CHDH: variants seen among roughly 807,000 people sequenced by gnomAD.
CHDH encodes choline dehydrogenase, mitochondrial.
CHDH carries 43 observed loss-of-function variants against 56.9 expected under a neutral mutation model. That is an observed-to-expected ratio of 0.76 (90% CI 0.59 to 0.97). The LOEUF (loss-of-function observed/expected upper bound fraction) is 0.97. CHDH is among the 50% of genes least tolerant of loss of function. The pLI is 0.00. For synonymous variants in CHDH, 364 were observed against 348.5 expected, an observed-to-expected ratio of 1.04 and a Z score of -0.50; for missense variants, 816 against 821.1, an observed-to-expected ratio of 0.99 and a Z score of 0.08.
rs1233394204 is a variant in CHDH at position 53,816,755 on chromosome 3, TAA to T, written c.*1020_*1021del. On this transcript the variant is annotated 3_prime_UTR_variant, in exon 9 of 9. Coordinates refer to ENST00000315251, the MANE Select transcript of CHDH (RefSeq NM_018397.5). ...GTAAAAGGAAAACCTTTTAAAATGC[TAA>T]GTCATAAAACCTTTGGTAGTGAAGC... 6.6e-6 allele frequency: 1 copy of T among 151,862 alleles called. No homozygotes were observed. The highest frequency in any genetic ancestry group is 1.5e-5 in the Non-Finnish European group (1 of 68,000). 9.4% of individuals were successfully genotyped at this position (151,862 alleles called of 1,614,324 possible).
rs1290134488 is a variant in CHDH at position 53,819,213 on chromosome 3, T to C, written c.1264-173A>G. Among the ~76,000 whole-genome samples, 1 of 152,140 alleles carries C rather than the reference T, an allele frequency of 6.6e-6. No homozygotes were observed. The highest frequency in any genetic ancestry group is 2.4e-5 in the African/African-American group (1 of 41,416). On this transcript the variant is annotated intron_variant, in intron 7 of 8. Transcript: ENST00000315251. The surrounding 1 kb of genome is among the most constrained non-coding windows in gnomAD (Gnocchi z 5.4). ...CCTCCACGAGTGATTACAGACCACC[T>C]CAAGGAATCACTCTTTCATCCTGGC...
intron 3 of CHDH, 123 bp downstream of exon 3, chr3:53,823,183 C>A (rs1025093669): frequency 1.1e-6 from 1 of 894,300 alleles, no homozygotes; most frequent in Non-Finnish European, 1.6e-6. Context: ...CCGGTCGTGC[C>A]AGCCTCAGTC....
intron 4 of CHDH, 38 bp downstream of exon 4, chr3:53,822,453 A>AC: frequency 6.3e-7 from 1 of 1,577,986 alleles, no homozygotes. Context: ...GTCACTGCCC[A>AC]CCCCCTTCTT....
At chr3:53,833,862 G>A (rs1698414523) in intron 2 of CHDH, among the ~76,000 whole-genome samples, 1 of 152,174 alleles carries the variant, frequency 6.6e-6, no homozygotes, top group South Asian at 2.1e-4. Flanking sequence ...CATGTGACAT[G>A]AGTCCTCCCG....
intron 2 of CHDH, among the ~76,000 whole-genome samples, chr3:53,839,601 A>G (rs1032287630): frequency 2.6e-5 from 4 of 152,234 alleles, no homozygotes; most frequent in African/African-American, 9.6e-5. Flanking sequence ...ACCTTTGTAC[A>G]TTGTTTGTGG....
chr3:53,822,730 A>G (rs368657595), intron 3 of CHDH, 88 bp from the exon 4 acceptor site: 10 of 1,482,094 alleles, frequency 6.7e-6, no homozygotes, highest in Admixed American at 5.8e-5. Flanking sequence ...GAAAGAGTGG[A>G]TATGCCCAGC....
intron 2 of CHDH, among the ~76,000 whole-genome samples, chr3:53,835,577 G>A (rs1387509779): frequency 2.0e-5 from 3 of 152,190 alleles, no homozygotes; most frequent in Non-Finnish European, 4.4e-5. Flanking sequence ...TTTCCATCTG[G>A]CCTTCTAGTA....
rs1485554587 is a variant in CHDH, at chr3:53,816,312, G to A, written c.*1465C>T. 1 of 152,164 alleles carries A rather than the reference G, an allele frequency of 6.6e-6. No homozygotes were observed. The highest frequency in any genetic ancestry group is 1.5e-5 in the Non-Finnish European group (1 of 68,046). 9.4% of individuals were successfully genotyped at this position (152,164 alleles called of 1,614,324 possible). Reference sequence around the variant, plus strand: ...GATGTGGATGTCTGGAAAAATCCAAGTGCATTTTATTTTCATTACCTTGTC... The same window carrying A: ...GATGTGGATGTCTGGAAAAATCCAAATGCATTTTATTTTCATTACCTTGTC... On this transcript the variant is annotated 3_prime_UTR_variant, in exon 9 of 9. Coordinates refer to ENST00000315251, the MANE Select transcript of CHDH (RefSeq NM_018397.5).
intron 2 of CHDH, among the ~76,000 whole-genome samples, chr3:53,828,840 A>G (rs1325373993): frequency 6.6e-6 from 1 of 152,188 alleles, no homozygotes; most frequent in Admixed American, 6.5e-5. Flanking sequence ...CAGTTTGGTG[A>G]TTTCTTGTAA....
intron 5 of CHDH, among the ~76,000 whole-genome samples, chr3:53,821,182 G>A (rs546374729): frequency 5.3e-5 from 8 of 152,342 alleles, no homozygotes; most frequent in East Asian, 3.9e-4. Flanking sequence ...GACAGAGCCC[G>A]ACCCTCAAGA....
chr3:53,824,047 A>AATGAG lies in CHDH; in HGVS notation c.-44_-40dup. 1 of 1,402,588 alleles carries AATGAG rather than the reference A, an allele frequency of 7.1e-7. No individual in the cohort carries two copies. The highest frequency in any genetic ancestry group is 9.3e-7 in the Non-Finnish European group (1 of 1,079,762). The allele number at this position is 1,402,588 out of a possible 1,614,324, so 86.9% of individuals were successfully genotyped here. ...CCAAGTCCTCTGATCCACGGAGGGG[A>AATGAG]ATGAGATGACTCACTTCTCCCTAAA... On this transcript the variant is annotated 5_prime_UTR_variant, in exon 3 of 9. Transcript: ENST00000315251.
intron 2 of CHDH, among the ~76,000 whole-genome samples, chr3:53,839,324 C>T (rs1462253369): frequency 6.6e-6 from 1 of 152,208 alleles, no homozygotes; most frequent in Non-Finnish European, 1.5e-5. Context: ...GGTCCATCAT[C>T]AGCAGAATCC....
At chr3:53,818,372 G>C (rs2095619665) in intron 8 of CHDH, among the ~76,000 whole-genome samples, 177 bp from the exon 9 acceptor site, 1 of 152,210 alleles carries the variant, frequency 6.6e-6, no homozygotes, top group South Asian at 2.1e-4. Context: ...CAGCGGGTTA[G>C]ACTGTACCGT....
At chr3:53,818,606 T>TAGAG (rs1228515275) in intron 8 of CHDH, among the ~76,000 whole-genome samples, 25 of 152,310 alleles carry the variant, frequency 1.6e-4, no homozygotes, top group Admixed American at 8.5e-4. Flanking sequence ...AATTTGCTTT[T>TAGAG]AGAGACTGCT....
intron 1 of CHDH, among the ~76,000 whole-genome samples, chr3:53,843,408 C>T (rs74935574): frequency 0.017 from 2,640 of 152,236 alleles, 58 homozygotes; most frequent in East Asian, 0.096. Flanking sequence ...GGTGAATGAG[C>T]CGCAGAACCA....
At chr3:53,840,119 A>G (rs1299181640) in intron 2 of CHDH, among the ~76,000 whole-genome samples, 2 of 152,234 alleles carry the variant, frequency 1.3e-5, no homozygotes, top group Admixed American at 6.5e-5. Flanking sequence ...TATCTAATAT[A>G]CAGTTAGATA....
chr3:53,822,949 C>T (rs997417140), intron 3 of CHDH, among the ~76,000 whole-genome samples: 22 of 152,172 alleles, frequency 1.4e-4, no homozygotes, highest in African/African-American at 5.3e-4. Flanking sequence ...TCAGCCCTGG[C>T]TCGCCTCTGT....
intron 2 of CHDH, among the ~76,000 whole-genome samples, chr3:53,826,315 TAA>T (rs59355780): frequency 7.1e-5 from 10 of 139,922 alleles, no homozygotes; most frequent in Admixed American, 2.1e-4. Context: ...GACATTACAA[TAA>T]AAAAAAAAAA....
intron 2 of CHDH, among the ~76,000 whole-genome samples, chr3:53,824,328 G>A (rs372910728): frequency 1.3e-5 from 2 of 152,254 alleles, no homozygotes; most frequent in African/African-American, 4.8e-5. Context: ...CCCTGTGTAT[G>A]AACCTGGAGA....
Sources: allele counts gnomAD v4.1 joint callset (sites outside exome capture counted in the v4.1 genomes callset), GRCh38; gene constraint gnomAD v4.1.1; non-coding constraint Gnocchi (gnomAD v3.1); transcripts MANE v1.5; gene names NCBI Gene and HGNC (gene_info 2026-07-23, HGNC 2026-07-21).